Variants in NR5A2 observed in about 807,000 individuals in gnomAD.
The protein encoded by NR5A2 is nuclear receptor subfamily 5 group A member 2.
NR5A2 carries 26 observed loss-of-function variants against 62.7 expected under a neutral mutation model. The observed-to-expected ratio is 0.41, with a 90% CI of 0.30 to 0.58. NR5A2 has a LOEUF of 0.58. Ranked by LOEUF, NR5A2 falls within the 20% of genes least tolerant of loss-of-function variation. The probability of loss-of-function intolerance (pLI) is 0.22; values close to 1 mark genes in which losing one functional copy is unlikely to be tolerated. For missense variants in NR5A2, 541 were observed against 669.1 expected (o/e 0.81, Z 2.11); for synonymous variants, 246 against 241.7 (o/e 1.02, Z -0.16).
intron 5 of NR5A2, among the ~76,000 whole-genome samples, chr1:200,089,353 G>A (rs970629742): frequency 3.3e-5 from 5 of 151,864 alleles, no homozygotes; most frequent in Admixed American, 6.6e-5. Flanking sequence ...TAGAGACTGG[G>A]TTTCGCCACT....
At chr1:200,149,419 C>T (rs1027930047) in intron 7 of NR5A2, among the ~76,000 whole-genome samples, 30 of 152,168 alleles carry the variant, frequency 2.0e-4, no homozygotes, top group African/African-American at 7.2e-4. Flanking sequence ...CTTCATGGGT[C>T]CTGGGATTAC....
At chr1:200,172,517 G>A (rs1040082033) in intron 7 of NR5A2, among the ~76,000 whole-genome samples, 1 of 152,152 alleles carries the variant, frequency 6.6e-6, no homozygotes, top group South Asian at 2.1e-4. Flanking sequence ...CTTTGAAAGA[G>A]ATATGGTACC....
At chr1:200,143,573 G>C (rs1253010052) in intron 7 of NR5A2, among the ~76,000 whole-genome samples, 1 of 151,428 alleles carries the variant, frequency 6.6e-6, no homozygotes, top group African/African-American at 2.4e-5. Flanking sequence ...CCACACTTTA[G>C]GCCCCAACAC....
rs1434123149 is a variant in NR5A2 at position 200,174,322 on chromosome 1, A to AT, written c.*114dup. 10 of 1,103,782 alleles carry AT rather than the reference A, an allele frequency of 9.1e-6. No homozygotes were observed. Among genetic ancestry groups the AT allele is most frequent in the African/African-American group, 1.6e-5 (1 of 62,776 alleles). The allele number at this position is 1,103,782 out of a possible 1,614,324, so 68.4% of individuals were successfully genotyped here. On this transcript the variant is annotated 3_prime_UTR_variant, in exon 8 of 8. Coordinates refer to ENST00000367362, the MANE Select transcript of NR5A2 (RefSeq NM_205860.3). Reference sequence around the variant, plus strand: ...CTCTGAACTGCTCCAAGTAACGCTAATTAAAAACTTGCTTTAAAGATATTG... The same window carrying AT: ...CTCTGAACTGCTCCAAGTAACGCTAATTTAAAAACTTGCTTTAAAGATATTG...
intron 5 of NR5A2, among the ~76,000 whole-genome samples, chr1:200,110,921 A>C (rs1040526623): frequency 6.6e-6 from 1 of 152,172 alleles, no homozygotes; most frequent in Non-Finnish European, 1.5e-5. Context: ...TGTTAGGTAG[A>C]CCAGTTTAAT....
At chr1:200,078,349 A>C (rs1388082041) in intron 5 of NR5A2, among the ~76,000 whole-genome samples, 1 of 152,188 alleles carries the variant, frequency 6.6e-6, no homozygotes, top group African/African-American at 2.4e-5. Flanking sequence ...ACTAAGGTGC[A>C]CTTGCCTGTC....
At chr1:200,099,156 T>C (rs1665247590) in intron 5 of NR5A2, among the ~76,000 whole-genome samples, 1 of 152,198 alleles carries the variant, frequency 6.6e-6, no homozygotes, top group Non-Finnish European at 1.5e-5. Flanking sequence ...CAGGAGCCTT[T>C]GTACCCAGAG....
At chr1:200,137,450 GCCA>G (rs1667274690) in intron 7 of NR5A2, among the ~76,000 whole-genome samples, 1 of 151,686 alleles carries the variant, frequency 6.6e-6, no homozygotes. Context: ...ACAGGCGTGA[GCCA>G]CCACACCTGG....
chr1:200,111,853 TC>T (rs1012806475), intron 6 of NR5A2, among the ~76,000 whole-genome samples: 33 of 152,258 alleles, frequency 2.2e-4, no homozygotes, highest in African/African-American at 7.9e-4. Context: ...TACTGTTAGG[TC>T]CTACACCTTT....
At chr1:200,081,943 AT>A (rs1664314769) in intron 5 of NR5A2, among the ~76,000 whole-genome samples, 1 of 151,998 alleles carries the variant, frequency 6.6e-6, no homozygotes, top group South Asian at 2.1e-4. Flanking sequence ...TGACTTAATT[AT>A]GCCCCTTAAT....
chr1:200,110,457 C>T (rs752021407), intron 5 of NR5A2, among the ~76,000 whole-genome samples: 4 of 152,146 alleles, frequency 2.6e-5, no homozygotes, highest in Non-Finnish European at 4.4e-5. Context: ...ATAAGATCCC[C>T]ATTATAATGT....
intron 5 of NR5A2, among the ~76,000 whole-genome samples, chr1:200,098,097 G>GCTAT (rs1308558603): frequency 6.6e-6 from 1 of 152,098 alleles, no homozygotes; most frequent in African/African-American, 2.4e-5. Flanking sequence ...TGAGATTTAA[G>GCTAT]CTATCTAGTG....
chr1:200,135,659 T>G (rs1667192490), intron 7 of NR5A2, among the ~76,000 whole-genome samples: 2 of 152,226 alleles, frequency 1.3e-5, no homozygotes, highest in African/African-American at 4.8e-5. Context: ...ATTCTTGTTC[T>G]ATTGTATCCT....
At chr1:200,155,829 A>G (rs907743304) in intron 7 of NR5A2, among the ~76,000 whole-genome samples, 24 of 151,950 alleles carry the variant, frequency 1.6e-4, no homozygotes, top group Admixed American at 8.5e-4. Flanking sequence ...GCCAGCCACC[A>G]TGCCCAGCTA....
intron 5 of NR5A2, among the ~76,000 whole-genome samples, chr1:200,051,136 C>T (rs936266611): frequency 3.3e-5 from 5 of 151,874 alleles, no homozygotes; most frequent in South Asian, 2.1e-4. Flanking sequence ...GTAAAAACAA[C>T]GTTGAATAAA....
In NR5A2 at chr1:200,150,623, T is replaced by A. The variant is rs1226209884; in HGVS notation, c.1379-23340T>A. Among the ~76,000 whole-genome samples, 4 of 152,182 alleles carry A rather than the reference T, an allele frequency of 2.6e-5. No homozygotes were observed. The East Asian group carries it at 7.7e-4, about 29-fold the overall frequency. On this transcript the variant is annotated intron_variant, in intron 7 of 7. Transcript: ENST00000367362. ...AGAGTTAACCCTGTGTATTTAAATGTCAAAAAAAATATTCAGTGAAGATGA... is the reference window on the plus strand; with the variant it reads ...AGAGTTAACCCTGTGTATTTAAATGACAAAAAAAATATTCAGTGAAGATGA...
Position 200,177,408 on chromosome 1 carries a change from C to G in NR5A2, c.*3198C>G, listed in dbSNP as rs951097549. Reference sequence around the variant, plus strand: ...TTTCAATAAATATTGATATGCCCAGCCTGATAATTTTTAAAAGTTTTTATG... The same window carrying G: ...TTTCAATAAATATTGATATGCCCAGGCTGATAATTTTTAAAAGTTTTTATG... On this transcript the variant is annotated 3_prime_UTR_variant, in exon 8 of 8. Transcript: ENST00000367362. 1 of 152,352 alleles carries G rather than the reference C, an allele frequency of 6.6e-6. No individual in the cohort carries two copies. The highest frequency in any genetic ancestry group is 2.1e-4 in the South Asian group (1 of 4,804). 9.4% of individuals were successfully genotyped at this position (152,352 alleles called of 1,614,324 possible).
intron 5 of NR5A2, among the ~76,000 whole-genome samples, chr1:200,091,554 G>C (rs1006226179): frequency 6.8e-6 from 1 of 147,120 alleles, no homozygotes; most frequent in Non-Finnish European, 1.5e-5. Flanking sequence ...GCGTGATCTC[G>C]GCTCACTGCA....
At chr1:200,094,976 A>G (rs924036656) in intron 5 of NR5A2, among the ~76,000 whole-genome samples, 14 of 152,198 alleles carry the variant, frequency 9.2e-5, no homozygotes, top group African/African-American at 3.4e-4. Flanking sequence ...GGAATATGTT[A>G]AACATAACAA....
Sources: allele counts gnomAD v4.1 joint callset (sites outside exome capture counted in the v4.1 genomes callset), GRCh38; gene constraint gnomAD v4.1.1; transcripts MANE v1.5; gene names NCBI Gene and HGNC (gene_info 2026-07-23, HGNC 2026-07-21).